The following COL4A6 variants were observed in gnomAD, a reference collection of about 807,000 sequenced individuals.
COL4A6 encodes collagen alpha-6(IV) chain.
In COL4A6, 59 loss-of-function variants were observed where a neutral mutation model predicts 126.7. That is an observed-to-expected ratio of 0.47 (90% CI 0.38 to 0.58). COL4A6 has a LOEUF of 0.58. COL4A6 is among the 20% of genes least tolerant of loss of function. The probability of loss-of-function intolerance (pLI) is 0.00; values close to 1 mark genes in which losing one functional copy is unlikely to be tolerated. For missense variants in COL4A6, 1,285 were observed against 1,337.3 expected, an observed-to-expected ratio of 0.96 and a Z score of 0.61; for synonymous variants, 547 against 496.6, an observed-to-expected ratio of 1.10 and a Z score of -1.35.
chrX:108,287,286 A>T (rs1466094384), intron 3 of COL4A6, among the ~76,000 whole-genome samples: 1 of 111,951 alleles, frequency 8.9e-6, no homozygotes, highest in East Asian at 2.8e-4. Context: ...GACTTTTCTC[A>T]TTAGGAGTCC....
intron 3 of COL4A6, among the ~76,000 whole-genome samples, chrX:108,257,870 G>A (rs1042928676): frequency 1.8e-5 from 2 of 111,678 alleles, no homozygotes; most frequent in African/African-American, 6.5e-5. Context: ...TAAGAGTAAC[G>A]CGTGGGTAAT....
intron 2 of COL4A6, among the ~76,000 whole-genome samples, chrX:108,410,926 C>A (rs1389425453): frequency 8.9e-6 from 1 of 111,936 alleles, no homozygotes; most frequent in Non-Finnish European, 1.9e-5. Flanking sequence ...TCTTAACAAA[C>A]CCTGCACCAG....
At position 108,280,620 on chromosome X, in the gene COL4A6, C is replaced by A. The variant is rs990032291; in HGVS notation, c.144+30128G>T. Among the ~76,000 whole-genome samples, 3 of 111,747 alleles carry A rather than the reference C, an allele frequency of 2.7e-5. No individual in the cohort carries two copies. In the South Asian group the frequency reaches 1.1e-3, roughly 42 times the overall value. On this transcript the variant is annotated intron_variant, in intron 3 of 44. Coordinates refer to ENST00000334504, the MANE Select transcript of COL4A6 (RefSeq NM_033641.4). Reference sequence around the variant, plus strand: ...AACTATTCCAGTCAATAGAAAAAGACGGAATCCTCCCTAACTCATTTTATG... The same window carrying A: ...AACTATTCCAGTCAATAGAAAAAGAAGGAATCCTCCCTAACTCATTTTATG...
At chrX:108,196,719 T>G in intron 13 of COL4A6, 140 bp from the exon 14 acceptor site, 1 of 478,392 alleles carries the variant, frequency 2.1e-6, no homozygotes, top group Non-Finnish European at 3.6e-6. Context: ...TGTCACTGCC[T>G]GAGAAGCACA....
chrX:108,156,676 C>A lies in COL4A6; in HGVS notation c.*324G>T. 1 of 300,280 alleles carries A rather than the reference C, an allele frequency of 3.3e-6. No homozygotes were observed. Among genetic ancestry groups the A allele is most frequent in the East Asian group, 5.6e-5 (1 of 17,728 alleles). The allele number at this position is 300,280 out of a possible 1,213,427, so 24.7% of individuals were successfully genotyped here. On this transcript the variant is annotated 3_prime_UTR_variant, in exon 45 of 45. Transcript: ENST00000334504. ...ATTAGGAAGAGCTTTCCGATCAAGA[C>A]GGTAAGGAGAAAGCTAGCAGTCTAA...
intron 3 of COL4A6, 103 bp from the exon 4 acceptor site, chrX:108,221,477 T>C: frequency 1.0e-6 from 1 of 991,015 alleles, no homozygotes; most frequent in Non-Finnish European, 1.4e-6. Flanking sequence ...CACTGAATAA[T>C]TTTGGCTAAG....
rs144787350 is a variant in COL4A6 at position 108,300,073 on chromosome X, G to T, written c.144+10675C>A. ...CCTGGGCATCATAGTAATTACAGGA[G>T]CTTTTAACATCCCACAGAGAAAAGC... On this transcript the variant is annotated intron_variant, in intron 3 of 44. Coordinates refer to ENST00000334504, the MANE Select transcript of COL4A6 (RefSeq NM_033641.4). 7.3e-3 allele frequency among the ~76,000 whole-genome samples: 811 copies of T among 111,045 alleles called. 4 individuals are homozygous for T. Among genetic ancestry groups the T allele is most frequent in the African/African-American group, 0.026 (778 of 30,504 alleles).
intron 2 of COL4A6, among the ~76,000 whole-genome samples, chrX:108,429,193 G>A (rs748075358): frequency 1.8e-5 from 2 of 112,168 alleles, no homozygotes; most frequent in East Asian, 5.6e-4. Flanking sequence ...TCTAGAAAAG[G>A]CAAAACTACA....
chrX:108,297,757 T>C (rs1363102739), intron 3 of COL4A6, among the ~76,000 whole-genome samples: 5 of 110,963 alleles, frequency 4.5e-5, no homozygotes, highest in African/African-American at 1.6e-4. Context: ...ATCTGGTCTC[T>C]AGAGTGAGGG....
intron 3 of COL4A6, among the ~76,000 whole-genome samples, chrX:108,304,568 A>G (rs772683135): frequency 8.9e-6 from 1 of 112,112 alleles, no homozygotes; most frequent in African/African-American, 3.2e-5. Context: ...AAACAACGTC[A>G]CAAAGAAAGT....
intron 3 of COL4A6, among the ~76,000 whole-genome samples, chrX:108,283,517 C>T (rs987398285): frequency 1.8e-5 from 2 of 111,341 alleles, no homozygotes; most frequent in Admixed American, 9.6e-5. Flanking sequence ...ATAATGTTTG[C>T]CTTAGAGCAT....
chrX:108,365,103 A>T (rs912498489), intron 2 of COL4A6, among the ~76,000 whole-genome samples: 2 of 111,527 alleles, frequency 1.8e-5, no homozygotes, highest in Admixed American at 9.5e-5. Context: ...TTCGTACTCA[A>T]CTTCCAAATT....
Position 108,172,044 on chromosome X carries a change from G to A in COL4A6, c.3202+425C>T, listed in dbSNP as rs543697775. On this transcript the variant is annotated intron_variant, in intron 32 of 44. Coordinates refer to ENST00000334504, the MANE Select transcript of COL4A6 (RefSeq NM_033641.4). Reference sequence around the variant, plus strand: ...ACTTTCCCCTAAACACAGACTCTCCGCTACCCTCGCAAGAGACCCTTGGGA... The same window carrying A: ...ACTTTCCCCTAAACACAGACTCTCCACTACCCTCGCAAGAGACCCTTGGGA... Among the ~76,000 whole-genome samples, 13 of 111,797 alleles carry A rather than the reference G, an allele frequency of 1.2e-4. No homozygotes were observed. The South Asian group carries it at 2.7e-3, about 23-fold the overall frequency.
chrX:108,358,340 C>T (rs1313072296), intron 2 of COL4A6, among the ~76,000 whole-genome samples: 1 of 110,464 alleles, frequency 9.1e-6, no homozygotes, highest in Non-Finnish European at 1.9e-5. Flanking sequence ...TAGTATGGCT[C>T]TACCTTGCTT....
chrX:108,300,724 CGTGTGT>C (rs58203884), intron 3 of COL4A6, among the ~76,000 whole-genome samples: 17 of 92,374 alleles, frequency 1.8e-4, no homozygotes, highest in East Asian at 3.6e-4. Flanking sequence ...CAAACATTGG[CGTGTGT>C]GTGTGTGTGT....
chrX:108,415,812 G>T (rs1213445641), intron 2 of COL4A6, among the ~76,000 whole-genome samples: 2 of 112,294 alleles, frequency 1.8e-5, no homozygotes, highest in African/African-American at 6.5e-5. Context: ...GCATACTGAA[G>T]ATAAGGTTTA....
intron 2 of COL4A6, among the ~76,000 whole-genome samples, chrX:108,370,264 G>T (rs891708806): frequency 2.7e-5 from 3 of 111,745 alleles, no homozygotes; most frequent in African/African-American, 9.8e-5. Flanking sequence ...AACCTTGGGG[G>T]TGATCATCTT....
chrX:108,343,707 A>G (rs1420840801), intron 2 of COL4A6, among the ~76,000 whole-genome samples: 2 of 110,568 alleles, frequency 1.8e-5, no homozygotes, highest in East Asian at 5.7e-4. Flanking sequence ...GCAATAAAAA[A>G]TATTGCAATA....
intron 2 of COL4A6, chrX:108,384,101 ATCTACCCATTTATCCATTTC>A (rs1251608563): frequency 2.0e-5 from 6 of 296,645 alleles, no homozygotes; most frequent in East Asian, 6.5e-5. Flanking sequence ...TCATCCATTC[ATCTACCCATTTATCCATTTC>A]TCTACCCATT....
Sources: allele counts gnomAD v4.1 joint callset (sites outside exome capture counted in the v4.1 genomes callset), GRCh38; gene constraint gnomAD v4.1.1; transcripts MANE v1.5; gene names NCBI Gene and HGNC (gene_info 2026-07-23, HGNC 2026-07-21).